Variants in IRX2 observed in about 807,000 individuals in gnomAD.
IRX2 encodes the protein iroquois homeobox 2.
A neutral mutation model predicts 42.9 loss-of-function variants in IRX2; 26 were observed. That is an observed-to-expected ratio of 0.61 (90% confidence interval 0.44 to 0.84). The LOEUF (loss-of-function observed/expected upper bound fraction) is 0.84. IRX2 is among the 40% of genes least tolerant of loss of function. IRX2 has a pLI of 0.00. For synonymous variants in IRX2, 424 were observed against 353.9 expected, an observed-to-expected ratio of 1.20 and a Z score of -2.22; for missense variants, 782 against 713.9, an observed-to-expected ratio of 1.10 and a Z score of -1.09.
Position 2,751,240 on chromosome 5 carries a change from C to T in IRX2, c.174G>A (p.Ala58=). 1 of 1,390,142 alleles carries T rather than the reference C, an allele frequency of 7.2e-7. No individual in the cohort carries two copies. The highest frequency in any genetic ancestry group is 9.3e-7 in the Non-Finnish European group (1 of 1,071,444). The allele number at this position is 1,390,142 out of a possible 1,614,324, so 86.1% of individuals were successfully genotyped here. A position where few individuals can be genotyped will look rare whatever the true frequency, so the allele number is the denominator to read the frequency against. Residue 58 remains alanine (A), a synonymous_variant, in exon 1 of 4, where the codon GCG becomes GCA. Transcript: ENST00000302057. This position sits in a 1 kb window ranked among gnomAD's most constrained non-coding sequence, Gnocchi z 4.0. ...YPGSAAFTAQ[A]ATGFGSPLQY... ...GCAGCGGGCTCCCGAAGCCGGTGGC[C>T]GCCTGCGCCGTGAAGGCCGCCGAGC...
At chr5:2,736,880 C>T in the IRX2 span, 2 of 152,222 alleles carry the variant, frequency 1.3e-5, no homozygotes, top group Non-Finnish European at 2.9e-5. Flanking sequence ...TTTGTGATTT[C>T]TCTCATTTGA....
intron 2 of IRX2, 85 bp from the exon 3 acceptor site, chr5:2,749,137 G>C (rs1737820260): frequency 6.5e-7 from 1 of 1,528,238 alleles, no homozygotes. Context: ...TGCGGCACTG[G>C]GCCCTCCCCA....
At chr5:2,740,709 G>C in the IRX2 span, among the ~76,000 whole-genome samples, 2 of 152,128 alleles carry the variant, frequency 1.3e-5, no homozygotes, top group African/African-American at 4.8e-5. Context: ...ACGTGGGCCG[G>C]GTGGAAGGTG....
chr5:2,738,884 G>A, the IRX2 span, among the ~76,000 whole-genome samples: 1 of 152,218 alleles, frequency 6.6e-6, no homozygotes, highest in South Asian at 2.1e-4. Flanking sequence ...TGGACGCCGA[G>A]GCCGGGGAGA....
At position 2,747,317 on chromosome 5, in the gene IRX2, ATAT is replaced by A. The variant is rs1482097956; in HGVS notation, c.*244_*246del. 259 of 247,132 alleles carry A rather than the reference ATAT, an allele frequency of 1.0e-3. 1 individual carries two copies. Among genetic ancestry groups the A allele is most frequent in the South Asian group, 1.2e-3 (20 of 16,432 alleles). 15.3% of individuals were successfully genotyped at this position (247,132 alleles called of 1,614,324 possible). On this transcript the variant is annotated 3_prime_UTR_variant, in exon 4 of 4. Coordinates refer to ENST00000302057, the MANE Select transcript of IRX2 (RefSeq NM_033267.5). ...CACACACACACACACATATATATATATATTTTTTTTTTCCTTCCCTAGGTAAAG... is the reference window on the plus strand; with the variant it reads ...CACACACACACACACATATATATATATTTTTTTTTCCTTCCCTAGGTAAAG...
chr5:2,742,919 T>G (rs1737574360), downstream of IRX2, among the ~76,000 whole-genome samples: 1 of 152,244 alleles, frequency 6.6e-6, no homozygotes, highest in African/African-American at 2.4e-5. Context: ...GCCTCCTTGA[T>G]ATGTACTTAA....
the IRX2 span, among the ~76,000 whole-genome samples, chr5:2,739,598 C>T: frequency 6.6e-6 from 1 of 152,196 alleles, no homozygotes; most frequent in Non-Finnish European, 1.5e-5. Context: ...CTCGGCACCT[C>T]CCCTGGTCCC....
the IRX2 span, among the ~76,000 whole-genome samples, chr5:2,736,505 G>GA: frequency 6.6e-6 from 1 of 152,082 alleles, no homozygotes; most frequent in Non-Finnish European, 1.5e-5. Flanking sequence ...AATTTTTTTG[G>GA]AAAATCACAA....
chr5:2,738,389 T>C, the IRX2 span, among the ~76,000 whole-genome samples: 1 of 152,144 alleles, frequency 6.6e-6, no homozygotes, highest in East Asian at 1.9e-4. Flanking sequence ...AAACAAATTG[T>C]TTTTCCATTG....
In IRX2 at chr5:2,747,547, T is replaced by C. The variant is rs1490637555; in HGVS notation, c.*17A>G. The C allele has an allele frequency of 6.2e-7, 1 of 1,612,990 alleles. No homozygotes were observed. On this transcript the variant is annotated 3_prime_UTR_variant, in exon 4 of 4. Coordinates refer to ENST00000302057, the MANE Select transcript of IRX2 (RefSeq NM_033267.5). ...CACCAGGGTGCCCACTTACTTGCAT[T>C]GCTGTGCTCGGCCCTTCTATAGGTA...
At chr5:2,741,126 A>G (rs1737529726), downstream of IRX2, among the ~76,000 whole-genome samples, 1 of 152,264 alleles carries the variant, frequency 6.6e-6, no homozygotes, top group Non-Finnish European at 1.5e-5. Context: ...CAACGCCGCT[A>G]TTAGTAAGGA....
rs1406198866 is a variant in IRX2, at chr5:2,747,400, T to TC, written c.*163dup. On this transcript the variant is annotated 3_prime_UTR_variant, in exon 4 of 4. Coordinates refer to ENST00000302057, the MANE Select transcript of IRX2 (RefSeq NM_033267.5). ...AATCTATAAAACAGAAAATATAGTT[T>TC]CCCCCTTAAGGAAAGAAAAGCTGGA... 5 of 568,114 alleles carry TC rather than the reference T, an allele frequency of 8.8e-6. No homozygotes were observed. Among genetic ancestry groups the TC allele is most frequent in the African/African-American group, 3.7e-5 (2 of 53,776 alleles). 35.2% of individuals were successfully genotyped at this position (568,114 alleles called of 1,614,324 possible).
intron 1 of IRX2, among the ~76,000 whole-genome samples, chr5:2,750,759 T>A (rs1389440136): frequency 6.6e-6 from 1 of 152,094 alleles, no homozygotes; most frequent in East Asian, 1.9e-4. Flanking sequence ...GAGGCCGCAG[T>A]GACGCGGACC....
intron 1 of IRX2, among the ~76,000 whole-genome samples, chr5:2,750,367 A>G (rs1737896547): frequency 6.6e-6 from 1 of 152,256 alleles, no homozygotes; most frequent in Non-Finnish European, 1.5e-5. Flanking sequence ...CCAAGGCCCC[A>G]GCGACTCGGT....
Position 2,746,393 on chromosome 5 carries a change from C to T in IRX2, c.*1171G>A, listed in dbSNP as rs1180441496. 2 of 152,288 alleles carry T rather than the reference C, an allele frequency of 1.3e-5. No individual in the cohort carries two copies. The highest frequency in any genetic ancestry group is 2.1e-4 in the South Asian group (1 of 4,822). 9.4% of individuals were successfully genotyped at this position (152,288 alleles called of 1,614,324 possible). A position where few individuals can be genotyped will look rare whatever the true frequency, so the allele number is the denominator to read the frequency against. On this transcript the variant is annotated 3_prime_UTR_variant, in exon 4 of 4. Transcript: ENST00000302057. ...AATTTGTTTCCACTTCTGAAGTACT[C>T]AAGTTCTTCCATCACGTTTTATTTC...
At chr5:2,741,779 C>A (rs1278730921), downstream of IRX2, among the ~76,000 whole-genome samples, 3 of 152,184 alleles carry the variant, frequency 2.0e-5, no homozygotes, top group African/African-American at 7.2e-5. Flanking sequence ...CAGCCCCAAA[C>A]CTCATAGTCA....
chr5:2,739,831 A>G, the IRX2 span, among the ~76,000 whole-genome samples: 4 of 152,030 alleles, frequency 2.6e-5, no homozygotes, highest in Admixed American at 6.6e-5. Context: ...GAGCAGGGGG[A>G]CTGGGAGGCA....
At chr5:2,750,978 C>T (rs1050381239) in intron 1 of IRX2, among the ~76,000 whole-genome samples, 187 bp downstream of exon 1, 58 of 151,718 alleles carry the variant, frequency 3.8e-4, no homozygotes, top group Non-Finnish European at 7.7e-4. Context: ...CCCCGCCTGC[C>T]GCGCTGCCCT....
chr5:2,735,956 G>A, the IRX2 span, among the ~76,000 whole-genome samples: 1 of 152,130 alleles, frequency 6.6e-6, no homozygotes, highest in African/African-American at 2.4e-5. Context: ...TAACCTCAAG[G>A]AAGAAAAAAA....
Sources: gnomAD v4.1 joint callset for allele counts (sites outside exome capture counted in the v4.1 genomes callset) on GRCh38, gnomAD v4.1.1 for gene constraint, Gnocchi (gnomAD v3.1) non-coding constraint, MANE v1.5 for transcripts, NCBI Gene and HGNC (gene_info 2026-07-23, HGNC 2026-07-21) for gene names.